NBN: variants seen among roughly 807,000 people sequenced by gnomAD.
The protein encoded by NBN is nibrin.
In NBN, 88 loss-of-function variants were observed where a neutral mutation model predicts 90.8. The observed-to-expected ratio is 0.97, with a 90% CI of 0.82 to 1.16. The LOEUF is 1.16. NBN is among the 50% of genes most tolerant of loss of function. The probability of loss-of-function intolerance (pLI) is 0.00; values close to 1 mark genes in which losing one functional copy is unlikely to be tolerated. For missense variants in NBN, 894 were observed against 869.6 expected, an observed-to-expected ratio of 1.03 and a Z score of -0.35; for synonymous variants, 328 against 295.1, an observed-to-expected ratio of 1.11 and a Z score of -1.14.
At chr8:89,945,184 A>C (rs1426373628) in intron 13 of NBN, among the ~76,000 whole-genome samples, 1 of 152,180 alleles carries the variant, frequency 6.6e-6, no homozygotes, top group Non-Finnish European at 1.5e-5. Context: ...CTTATAACAC[A>C]ATATTAAACA....
intron 9 of NBN, among the ~76,000 whole-genome samples, chr8:89,956,614 T>C (rs914979093): frequency 6.6e-6 from 1 of 152,214 alleles, no homozygotes; most frequent in Non-Finnish European, 1.5e-5. Flanking sequence ...AATATATGTA[T>C]TTCAAACTTA....
At chr8:89,969,152 A>C (rs1335495745) in intron 7 of NBN, among the ~76,000 whole-genome samples, 1 of 152,194 alleles carries the variant, frequency 6.6e-6, no homozygotes, top group Non-Finnish European at 1.5e-5. Context: ...TTTTTGCCAC[A>C]TGAAGAGCAA....
At chr8:89,965,452 A>G (rs1339505949) in intron 7 of NBN, among the ~76,000 whole-genome samples, 2 of 152,142 alleles carry the variant, frequency 1.3e-5, no homozygotes, top group Non-Finnish European at 2.9e-5. Context: ...AAATTTTAAC[A>G]AACAACTACA....
At chr8:89,966,951 G>A (rs901141479) in intron 7 of NBN, among the ~76,000 whole-genome samples, 2 of 152,186 alleles carry the variant, frequency 1.3e-5, no homozygotes, top group Non-Finnish European at 2.9e-5. Context: ...CAAAATACTA[G>A]TAAAAAACAT....
At chr8:89,984,040 T>G (rs1320897141) in intron 1 of NBN, among the ~76,000 whole-genome samples, 1 of 152,224 alleles carries the variant, frequency 6.6e-6, no homozygotes, top group Non-Finnish European at 1.5e-5. Flanking sequence ...ATTGTTCTGA[T>G]GACATTGTGG....
chr8:89,978,219 C>T lies in NBN; in HGVS notation c.584+1G>A, dbSNP rs1811862598. On this transcript the variant is annotated splice_donor_variant, in intron 5 of 15. Transcript: ENST00000265433. LOFTEE classifies it high-confidence loss of function. ...TGTTATATTTAAAATACATAATATA[C>T]CTTTCAATTTGTGGAGGCTGCTTCT... 1 of 1,599,346 alleles carries T rather than the reference C, an allele frequency of 6.3e-7. No homozygotes were observed.
At chr8:89,975,472 T>A (rs1301320703) in intron 5 of NBN, among the ~76,000 whole-genome samples, 1 of 152,206 alleles carries the variant, frequency 6.6e-6, no homozygotes, top group Non-Finnish European at 1.5e-5. Context: ...CACATCAAAA[T>A]GGATCCAGAT....
intron 4 of NBN, among the ~76,000 whole-genome samples, chr8:89,979,311 A>G (rs1214416610): frequency 6.6e-6 from 1 of 152,196 alleles, no homozygotes; most frequent in East Asian, 1.9e-4. Flanking sequence ...AGGGTATTTT[A>G]TTGTCTAAAT....
At chr8:89,936,438 CA>C (rs1198733905) in intron 15 of NBN, among the ~76,000 whole-genome samples, 1 of 152,066 alleles carries the variant, frequency 6.6e-6, no homozygotes, top group Non-Finnish European at 1.5e-5. Context: ...AAAACAGACT[CA>C]AAAATAATTT....
chr8:89,977,720 C>A (rs531728934), intron 5 of NBN, among the ~76,000 whole-genome samples: 1 of 152,324 alleles, frequency 6.6e-6, no homozygotes, highest in African/African-American at 2.4e-5. Context: ...TCTCCACAGC[C>A]TCGCCAGCAT....
intron 10 of NBN, 49 bp from the exon 11 acceptor site, chr8:89,953,740 CTAAGTAACCATTTAGT>C: frequency 7.0e-7 from 1 of 1,431,234 alleles, no homozygotes; most frequent in Non-Finnish European, 9.6e-7. Flanking sequence ...ATGAACACAG[CTAAGTAACCATTTAGT>C]TTGGCAATAT....
In NBN at chr8:89,970,328, C is replaced by T. The variant is rs1805826; in HGVS notation, c.896+36G>A. 0.043 allele frequency: 64,387 copies of T among 1,508,190 alleles called. 2,808 individuals are homozygous for T. The highest frequency in any genetic ancestry group is 0.19 in the East Asian group (8,515 of 44,268). The allele number at this position is 1,508,190 out of a possible 1,614,324, so 93.4% of individuals were successfully genotyped here. Reference sequence around the variant, plus strand: ...AAAAGGTTAAACATAAAATCTCCTACTTGCAGTTTTTTACTAATAAAGAAT... The same window carrying T: ...AAAAGGTTAAACATAAAATCTCCTATTTGCAGTTTTTTACTAATAAAGAAT... On this transcript the variant is annotated intron_variant, in intron 7 of 15. Coordinates refer to ENST00000265433, the MANE Select transcript of NBN (RefSeq NM_002485.5).
intron 5 of NBN, among the ~76,000 whole-genome samples, chr8:89,973,708 A>G (rs1302365437): frequency 6.6e-6 from 1 of 152,230 alleles, no homozygotes; most frequent in Non-Finnish European, 1.5e-5. Context: ...ATTACATTCT[A>G]GAAGTTTTAA....
intron 2 of NBN, chr8:89,982,442 T>A (rs960780755): frequency 1.5e-5 from 7 of 459,416 alleles, no homozygotes; most frequent in South Asian, 1.2e-4. Context: ...ACAATAAATG[T>A]TTAGTAAGCA....
intron 7 of NBN, among the ~76,000 whole-genome samples, chr8:89,967,934 T>C (rs1300209920): frequency 6.6e-6 from 1 of 152,166 alleles, no homozygotes; most frequent in Non-Finnish European, 1.5e-5. Context: ...TGACAGTCTT[T>C]CTCAAAATAT....
intron 5 of NBN, among the ~76,000 whole-genome samples, chr8:89,976,192 TCG>T (rs917705218): frequency 3.9e-5 from 6 of 152,282 alleles, no homozygotes; most frequent in African/African-American, 1.4e-4. Context: ...CCCACTGGTC[TCG>T]AACTCCTGAC....
intron 4 of NBN, 79 bp downstream of exon 4, chr8:89,980,655 A>T (rs975154527): frequency 1.8e-5 from 21 of 1,158,534 alleles, no homozygotes; most frequent in African/African-American, 6.2e-5. Flanking sequence ...TAAAGTAATT[A>T]AAAAAAAATC....
At chr8:89,943,454 A>G (rs1439738394) in intron 13 of NBN, 88 bp from the exon 14 acceptor site, 4 of 1,320,822 alleles carry the variant, frequency 3.0e-6, no homozygotes, top group Admixed American at 1.8e-5. Flanking sequence ...AAAGATGGTA[A>G]ATCATGCATA....
At chr8:89,966,629 T>G (rs1029779371) in intron 7 of NBN, among the ~76,000 whole-genome samples, 5 of 152,200 alleles carry the variant, frequency 3.3e-5, no homozygotes, top group Non-Finnish European at 7.3e-5. Flanking sequence ...CAAGTTGCCT[T>G]GTAGATTCAA....
Sources: gnomAD v4.1 joint callset for allele counts (sites outside exome capture counted in the v4.1 genomes callset) on GRCh38, gnomAD v4.1.1 for gene constraint, MANE v1.5 for transcripts, NCBI Gene and HGNC (gene_info 2026-07-23, HGNC 2026-07-21) for gene names.